Variants in LRRC20 observed in about 807,000 individuals in gnomAD.
LRRC20 encodes leucine-rich repeat-containing protein 20.
A neutral mutation model predicts 14.4 loss-of-function variants in LRRC20; 11 were observed. The observed-to-expected ratio is 0.77, with a 90% CI of 0.48 to 1.27. The LOEUF (loss-of-function observed/expected upper bound fraction) is 1.27. Ranked by LOEUF, LRRC20 falls within the 50% of genes most tolerant of loss-of-function variation. The probability of loss-of-function intolerance (pLI) is 0.00; values close to 1 mark genes in which losing one functional copy is unlikely to be tolerated. For missense variants in LRRC20, 219 were observed against 251.2 expected (o/e 0.87, Z 0.87); for synonymous variants, 121 against 107.3 (o/e 1.13, Z -0.79).
chr10:70,379,851 G>C (rs1307003210), intron 1 of LRRC20, among the ~76,000 whole-genome samples: 1 of 152,200 alleles, frequency 6.6e-6, no homozygotes, highest in East Asian at 1.9e-4. Context: ...ACTGTAGTGG[G>C]AGAGGAATGA....
chr10:70,377,465 TGAGTAAGC>T (rs1844550600), intron 1 of LRRC20, among the ~76,000 whole-genome samples: 1 of 152,078 alleles, frequency 6.6e-6, no homozygotes. Context: ...AAGGTCAAAG[TGAGTAAGC>T]GGCAAGAATA....
chr10:70,319,418 C>A (rs1466840528), intron 4 of LRRC20, among the ~76,000 whole-genome samples: 1 of 152,132 alleles, frequency 6.6e-6, no homozygotes, highest in Non-Finnish European at 1.5e-5. Context: ...CTGGGGTGAA[C>A]AAGCTGACTG....
At chr10:70,334,969 T>C (rs1477100749) in intron 3 of LRRC20, among the ~76,000 whole-genome samples, 1 of 152,134 alleles carries the variant, frequency 6.6e-6, no homozygotes, top group African/African-American at 2.4e-5. Context: ...GGCAGCCCAG[T>C]GAGCAGCCAG....
At chr10:70,307,133 A>G (rs1451567284) in intron 4 of LRRC20, among the ~76,000 whole-genome samples, 1 of 152,186 alleles carries the variant, frequency 6.6e-6, no homozygotes, top group African/African-American at 2.4e-5. Context: ...TCAATGGGGA[A>G]GAGTATTAGT....
In LRRC20 at chr10:70,362,745, C is replaced by T. The variant is rs1843789296; in HGVS notation, c.82+13707G>A. ...TGCCTCAAGGGGGGCAGTTTTGCCC[C>T]CAGGGGACATTTGGAAATGTCTGGA... On this transcript the variant is annotated intron_variant, in intron 2 of 4. Coordinates refer to ENST00000446961, the MANE Select transcript of LRRC20 (RefSeq NM_001278212.2). Among the ~76,000 whole-genome samples, 5 of 152,198 alleles carry T rather than the reference C, an allele frequency of 3.3e-5. 1 individual carries two copies. In the South Asian group the frequency reaches 1.0e-3, roughly 31 times the overall value.
rs10443940 is a variant in LRRC20 at position 70,316,663 on chromosome 10, C to T, written c.400+7200G>A. Among the ~76,000 whole-genome samples the T allele has an allele frequency of 3.3e-5, 5 of 152,252 alleles. No homozygotes were observed. In the East Asian group the frequency reaches 7.7e-4, roughly 23 times the overall value. ...GGGCTGCAAACAGGAGCTTCCTGCA[C>T]CCTCGTGTCTGGGGGCCATGCCTAA... On this transcript the variant is annotated intron_variant, in intron 4 of 4. Coordinates refer to ENST00000446961, the MANE Select transcript of LRRC20 (RefSeq NM_001278212.2).
intron 4 of LRRC20, among the ~76,000 whole-genome samples, chr10:70,305,275 G>T (rs188798722): frequency 2.0e-5 from 3 of 152,346 alleles, no homozygotes; most frequent in Admixed American, 2.0e-4. Context: ...CACTTGGGTT[G>T]TTCCCATCGC....
At chr10:70,378,398 T>C (rs12569450) in intron 1 of LRRC20, among the ~76,000 whole-genome samples, 23,886 of 151,684 alleles carry the variant, frequency 0.16, 2,131 homozygotes, top group South Asian at 0.29. Context: ...ATCCCAGCAC[T>C]TTAGGAGGCC....
At chr10:70,350,900 T>G (rs917439586) in intron 2 of LRRC20, among the ~76,000 whole-genome samples, 3 of 152,200 alleles carry the variant, frequency 2.0e-5, no homozygotes, top group African/African-American at 7.2e-5. Context: ...TAGAATCAAC[T>G]GAAGGCTGGG....
At chr10:70,317,351 CCTCT>C (rs1217203850) in intron 4 of LRRC20, among the ~76,000 whole-genome samples, 6 of 151,706 alleles carry the variant, frequency 4.0e-5, no homozygotes, top group African/African-American at 7.3e-5. Context: ...TTCTTTTTTC[CCTCT>C]CTCTTTTTTT....
chr10:70,315,038 A>G (rs1841804757), intron 4 of LRRC20, among the ~76,000 whole-genome samples: 1 of 152,230 alleles, frequency 6.6e-6, no homozygotes, highest in Non-Finnish European at 1.5e-5. Context: ...GACCTTGGCC[A>G]AGTTATTTAA....
At chr10:70,311,282 G>A (rs1303958748) in intron 4 of LRRC20, among the ~76,000 whole-genome samples, 1 of 141,452 alleles carries the variant, frequency 7.1e-6, no homozygotes, top group Non-Finnish European at 1.5e-5. Flanking sequence ...AGGCTGGGGT[G>A]CAATGGCGCG....
intron 4 of LRRC20, among the ~76,000 whole-genome samples, chr10:70,313,929 G>GACATAACC (rs1564613808): frequency 6.6e-6 from 1 of 152,230 alleles, no homozygotes; most frequent in Non-Finnish European, 1.5e-5. Context: ...AGACATACCA[G>GACATAACC]AGGCTGGGTA....
intron 2 of LRRC20, among the ~76,000 whole-genome samples, chr10:70,342,740 A>T (rs542957221): frequency 6.6e-6 from 1 of 152,314 alleles, no homozygotes; most frequent in South Asian, 2.1e-4. Flanking sequence ...CACTCGATCT[A>T]AAGCCTCTCT....
chr10:70,335,736 C>A (rs1842708281), intron 3 of LRRC20, among the ~76,000 whole-genome samples: 1 of 152,230 alleles, frequency 6.6e-6, no homozygotes, highest in African/African-American at 2.4e-5. Flanking sequence ...AACACACCAT[C>A]CCTCCGCTCT....
chr10:70,324,397 C>G (rs2136951946), intron 3 of LRRC20, among the ~76,000 whole-genome samples: 1 of 152,334 alleles, frequency 6.6e-6, no homozygotes, highest in South Asian at 2.1e-4. Flanking sequence ...TGGGCGGCCT[C>G]TCCCCCTCGG....
intron 2 of LRRC20, among the ~76,000 whole-genome samples, chr10:70,361,914 T>A (rs184788019): frequency 2.8e-4 from 42 of 152,286 alleles, no homozygotes; most frequent in South Asian, 1.2e-3. Context: ...AGGCCGGGCA[T>A]GGTGGCTCAC....
At chr10:70,332,536 C>G (rs569157757) in intron 3 of LRRC20, among the ~76,000 whole-genome samples, 3 of 152,088 alleles carry the variant, frequency 2.0e-5, no homozygotes, top group Admixed American at 1.3e-4. Context: ...CCCAGCTAGT[C>G]GGGAGGCTAA....
At chr10:70,326,524 C>A (rs1842330036) in intron 3 of LRRC20, among the ~76,000 whole-genome samples, 1 of 152,200 alleles carries the variant, frequency 6.6e-6, no homozygotes, top group Non-Finnish European at 1.5e-5. Context: ...GGGGCCTGGA[C>A]TGCCTTCCAT....
Sources: allele counts gnomAD v4.1 joint callset (sites outside exome capture counted in the v4.1 genomes callset), GRCh38; gene constraint gnomAD v4.1.1; transcripts MANE v1.5; gene names NCBI Gene and HGNC (gene_info 2026-07-23, HGNC 2026-07-21).